Variants in CLIP4 observed in about 807,000 individuals in gnomAD.
CLIP4 encodes the protein CAP-Gly domain-containing linker protein 4.
Under a neutral mutation model 73.1 loss-of-function variants are expected in CLIP4, and 47 were observed. The observed-to-expected ratio is 0.64, with a 90% confidence interval of 0.51 to 0.82. The LOEUF (loss-of-function observed/expected upper bound fraction) is 0.82, where lower values mean the gene tolerates loss of function less well. Ranked by LOEUF, CLIP4 falls within the 40% of genes least tolerant of loss-of-function variation. CLIP4 has a pLI of 0.00. For missense variants in CLIP4, 874 were observed against 852.9 expected (o/e 1.02, Z -0.31); for synonymous variants, 306 against 295.4 (o/e 1.04, Z -0.37).
At chr2:29,121,635 G>T in intron 2 of CLIP4, 114 bp downstream of exon 2, 1 of 1,245,258 alleles carries the variant, frequency 8.0e-7, no homozygotes, top group Non-Finnish European at 1.1e-6. Context: ...TCATAAAATT[G>T]CTAAAGTTTT....
At chr2:29,119,109 C>T (rs183740670) in intron 1 of CLIP4, among the ~76,000 whole-genome samples, 66 of 152,210 alleles carry the variant, frequency 4.3e-4, no homozygotes, top group Non-Finnish European at 7.6e-4. Context: ...TAGAGAAAAA[C>T]GCAACAAAGA....
In CLIP4 at chr2:29,131,308, G is replaced by C. The variant is rs1254809114; in HGVS notation, c.184G>C (p.Asp62His). The change falls in exon 3 of 16, where the codon GAT becomes CAT. Residue 62 changes from aspartate (D) to histidine (H), a missense_variant. Transcript: ENST00000320081. The part of the protein sequence containing the change: ...NDASCQEILF[D>H]PKTSVSELFA... ...TGCATCATGCCAGGAAATTCTTTTT[G>C]ATCCCAAAACTTCAGTTTCAGAATT... 6.2e-7 allele frequency: 1 copy of C among 1,609,790 alleles called. No individual in the cohort carries two copies. The highest frequency in any genetic ancestry group is 1.1e-5 in the South Asian group (1 of 89,698).
rs780452822 is a variant in CLIP4 at position 29,163,894 on chromosome 2, T to A, written c.1598T>A (p.Val533Glu). Residue 533 changes from valine to glutamate, a missense_variant, in exon 13 of 16, where the codon GTG becomes GAG. Coordinates refer to ENST00000320081, the MANE Select transcript of CLIP4 (RefSeq NM_024692.6). ...HGKNDGSVGGVQYFSCSPRYG... is the reference protein window; with the variant it reads ...HGKNDGSVGGEQYFSCSPRYG... ...AAGAATGATGGTTCAGTTGGAGGTG[T>A]GCAGTATTTTAGCTGTTCTCCAAGA... The A allele has an allele frequency of 1.9e-6, 3 of 1,613,536 alleles. No homozygotes were observed. Among genetic ancestry groups the A allele is most frequent in the Non-Finnish European group, 2.5e-6 (3 of 1,179,456 alleles).
chr2:29,175,971 C>A (rs1313580049), intron 15 of CLIP4, among the ~76,000 whole-genome samples: 1 of 152,180 alleles, frequency 6.6e-6, no homozygotes, highest in Non-Finnish European at 1.5e-5. Flanking sequence ...CTGTGTTAGC[C>A]AGGATGGTCT....
chr2:29,134,275 T>C (rs1372376222), intron 5 of CLIP4, among the ~76,000 whole-genome samples: 8 of 152,188 alleles, frequency 5.3e-5, no homozygotes. Context: ...GATGGTGATA[T>C]CCTGAAATTG....
intron 14 of CLIP4, among the ~76,000 whole-genome samples, chr2:29,173,165 T>C (rs1191173688): frequency 6.6e-6 from 1 of 152,206 alleles, no homozygotes; most frequent in Non-Finnish European, 1.5e-5. Flanking sequence ...TGTCTACCTG[T>C]GCCAGTTGCC....
rs1157056934 is a variant in CLIP4 at position 29,173,979 on chromosome 2, TATA to T, written c.1724-391_1724-389del. Among the ~76,000 whole-genome samples the T allele has an allele frequency of 7.9e-5, 12 of 152,358 alleles. No individual in the cohort carries two copies. In the South Asian group the frequency reaches 2.5e-3, roughly 32 times the overall value. ...ATTTTATTTGATTTTTAAGAAATCTTATAATGAAATTCTCCAAAAGTAATGTCA... is the reference window on the plus strand; with the variant it reads ...ATTTTATTTGATTTTTAAGAAATCTTATGAAATTCTCCAAAAGTAATGTCA... On this transcript the variant is annotated intron_variant, in intron 14 of 15. Transcript: ENST00000320081.
chr2:29,161,098 C>A (rs1207021879), intron 12 of CLIP4, among the ~76,000 whole-genome samples: 1 of 152,136 alleles, frequency 6.6e-6, no homozygotes, highest in Non-Finnish European at 1.5e-5. Context: ...CCTCAGCCTC[C>A]CGAGTAGGTG....
At chr2:29,122,826 C>CAAA (rs11364909) in intron 2 of CLIP4, among the ~76,000 whole-genome samples, 58 of 61,902 alleles carry the variant, frequency 9.4e-4, no homozygotes, top group Non-Finnish European at 1.2e-3. Context: ...ACTTTGTCTC[C>CAAA]AAAAAAAAAA....
At chr2:29,160,311 T>A (rs1667202871) in intron 11 of CLIP4, 22 bp from the exon 12 acceptor site, 2 of 1,613,836 alleles carry the variant, frequency 1.2e-6, no homozygotes, top group Non-Finnish European at 1.7e-6. Context: ...CCTGCCCCTG[T>A]ATCCCTCCCT....
chr2:29,175,126 AGGAGCCACGAGAAAT>A lies in CLIP4; in HGVS notation c.1796+682_1796+696del, dbSNP rs1325516147. Among the ~76,000 whole-genome samples the A allele has an allele frequency of 2.6e-5, 4 of 152,288 alleles. No individual in the cohort carries two copies. The East Asian group carries it at 7.7e-4, about 29-fold the overall frequency. Reference sequence around the variant, plus strand: ...GTGCTTGTTTAAGTAATGGGACCCTAGGAGCCACGAGAAATTAGAGCCCAGAGGCTAGAACTTGAT... The same window carrying A: ...GTGCTTGTTTAAGTAATGGGACCCTATAGAGCCCAGAGGCTAGAACTTGAT... On this transcript the variant is annotated intron_variant, in intron 15 of 15. Coordinates refer to ENST00000320081, the MANE Select transcript of CLIP4 (RefSeq NM_024692.6).
chr2:29,131,863 G>A (rs562562404), intron 3 of CLIP4: 3 of 371,326 alleles, frequency 8.1e-6, no homozygotes, highest in East Asian at 5.1e-5. Flanking sequence ...ATCATTACAC[G>A]CATAGAAATA....
chr2:29,168,580 T>C (rs1227667336), intron 14 of CLIP4, among the ~76,000 whole-genome samples: 7 of 136,882 alleles, frequency 5.1e-5, no homozygotes, highest in Non-Finnish European at 1.1e-4. Flanking sequence ...TGGAGTGCAG[T>C]GGTGCGATCT....
chr2:29,106,918 CT>C (rs1668223955), intron 1 of CLIP4, among the ~76,000 whole-genome samples: 1 of 152,188 alleles, frequency 6.6e-6, no homozygotes, highest in Non-Finnish European at 1.5e-5. Context: ...ACAATTCTCA[CT>C]TATTTTTTAC....
chr2:29,157,873 G>A (rs180913139), intron 11 of CLIP4, among the ~76,000 whole-genome samples: 21 of 152,316 alleles, frequency 1.4e-4, no homozygotes, highest in Non-Finnish European at 1.9e-4. Flanking sequence ...GTCTGTTGCA[G>A]TTCACTTATT....
At chr2:29,122,156 TTAG>T (rs1664293472) in intron 2 of CLIP4, among the ~76,000 whole-genome samples, 1 of 152,194 alleles carries the variant, frequency 6.6e-6, no homozygotes, top group Non-Finnish European at 1.5e-5. Context: ...TTAGTAGATA[TTAG>T]TAGATATAAA....
At chr2:29,120,479 A>G (rs1664180106) in intron 1 of CLIP4, among the ~76,000 whole-genome samples, 1 of 152,190 alleles carries the variant, frequency 6.6e-6, no homozygotes, top group Non-Finnish European at 1.5e-5. Flanking sequence ...AGATCAAGCC[A>G]TTGATTACCT....
chr2:29,144,468 A>G (rs1012669288), intron 7 of CLIP4, among the ~76,000 whole-genome samples: 16 of 152,070 alleles, frequency 1.1e-4, no homozygotes, highest in Non-Finnish European at 2.1e-4. Context: ...TTGTTTCCAT[A>G]TTGTATTCAT....
intron 1 of CLIP4, among the ~76,000 whole-genome samples, chr2:29,119,053 C>A (rs1288921820): frequency 6.6e-6 from 1 of 152,036 alleles, no homozygotes; most frequent in Non-Finnish European, 1.5e-5. Context: ...TTTGGGAGGA[C>A]AAAAGGTAGA....
Sources: gnomAD v4.1 joint callset for allele counts (sites outside exome capture counted in the v4.1 genomes callset) on GRCh38, gnomAD v4.1.1 for gene constraint, MANE v1.5 for transcripts, NCBI Gene and HGNC (gene_info 2026-07-23, HGNC 2026-07-21) for gene names.